The following FBXO34 variants were observed in gnomAD, a reference collection of about 807,000 sequenced individuals.
FBXO34 encodes F-box protein 34, also known as F-box only protein 34.
FBXO34 carries 12 observed loss-of-function variants against 24.5 expected under a neutral mutation model. That is an observed-to-expected ratio of 0.49 (90% confidence interval 0.31 to 0.79). FBXO34 has a LOEUF of 0.79. Among genes scored for constraint, FBXO34 ranks in the 30% least tolerant of loss-of-function variants. FBXO34 has a pLI of 0.04. For missense variants in FBXO34, 823 were observed against 857.7 expected, an observed-to-expected ratio of 0.96 and a Z score of 0.51; for synonymous variants, 320 against 311.9, an observed-to-expected ratio of 1.03 and a Z score of -0.27.
chr14:55,311,425 A>T (rs1026913454), intron 1 of FBXO34, among the ~76,000 whole-genome samples: 6 of 152,146 alleles, frequency 3.9e-5, no homozygotes, highest in African/African-American at 1.2e-4. Context: ...TCCTAATCTC[A>T]TGTCCCTTTT....
chr14:55,369,957 T>TAACA (rs1352469220), downstream of FBXO34: 1 of 1,545,112 alleles, frequency 6.5e-7, no homozygotes, highest in Non-Finnish European at 8.7e-7. Flanking sequence ...CTCTTTAGGA[T>TAACA]AACAACCATT....
At chr14:55,408,353 A>G in the FBXO34 span, among the ~76,000 whole-genome samples, 44,257 of 151,998 alleles carry the variant, frequency 0.29, 6,570 homozygotes, top group East Asian at 0.47. Context: ...TACCAGGGAG[A>G]CTGAGACAGG....
At chr14:55,300,654 A>G (rs1882320547) in intron 1 of FBXO34, among the ~76,000 whole-genome samples, 1 of 152,140 alleles carries the variant, frequency 6.6e-6, no homozygotes, top group Admixed American at 6.5e-5. Context: ...TTTAATGATT[A>G]CATCTGTGGT....
chr14:55,362,793 T>A (rs560012687), downstream of FBXO34, among the ~76,000 whole-genome samples: 117 of 151,954 alleles, frequency 7.7e-4, no homozygotes, highest in African/African-American at 2.7e-3. Context: ...CATTCCCAAA[T>A]TGAGAGCAAC....
chr14:55,345,523 T>C (rs1373986246), intron 1 of FBXO34, among the ~76,000 whole-genome samples: 1 of 152,138 alleles, frequency 6.6e-6, no homozygotes, highest in Non-Finnish European at 1.5e-5. Context: ...CCCTTCTCCC[T>C]CTTCATCCAT....
At chr14:55,305,466 G>T (rs914118195) in intron 1 of FBXO34, among the ~76,000 whole-genome samples, 2 of 151,406 alleles carry the variant, frequency 1.3e-5, no homozygotes, top group Non-Finnish European at 2.9e-5. Context: ...TGGCTGAGGC[G>T]AGTGGATCAC....
At chr14:55,429,060 A>C in the FBXO34 span, 1 of 1,499,134 alleles carries the variant, frequency 6.7e-7, no homozygotes, top group Non-Finnish European at 9.1e-7. Flanking sequence ...TACCATTTGT[A>C]CCACGTTTAT....
chr14:55,319,362 A>G (rs553023347), intron 1 of FBXO34, among the ~76,000 whole-genome samples: 15 of 152,346 alleles, frequency 9.8e-5, no homozygotes, highest in Non-Finnish European at 1.6e-4. Flanking sequence ...TTAAAAATCC[A>G]GTATACAGAA....
downstream of FBXO34, among the ~76,000 whole-genome samples, chr14:55,371,753 G>A (rs888599285): frequency 6.6e-6 from 1 of 152,028 alleles, no homozygotes; most frequent in Non-Finnish European, 1.5e-5. Flanking sequence ...GCAGTGAGCC[G>A]AGATGGCGCC....
At chr14:55,393,426 A>C in the FBXO34 span, among the ~76,000 whole-genome samples, 3 of 152,274 alleles carry the variant, frequency 2.0e-5, no homozygotes, top group African/African-American at 4.8e-5. Flanking sequence ...AATAATGTTT[A>C]CTGTTGTGAA....
In FBXO34 at chr14:55,331,755, ATATATG is replaced by A. The variant is rs1397595294; in HGVS notation, c.-10-18620_-10-18615del. 9.6e-4 allele frequency among the ~76,000 whole-genome samples: 58 copies of A among 60,308 alleles called. 19 individuals are homozygous for A. The African/African-American group carries it at 9.6e-3, about 10-fold the overall frequency. 39.6% of individuals were successfully genotyped at this position (60,308 alleles called of 152,430 possible). ...TATATATATATGTGTGTATATATAT[ATATATG>A]TATATATATATATATATACCACCAT... On this transcript the variant is annotated intron_variant, in intron 1 of 1. Transcript: ENST00000313833.
chr14:55,273,114 C>T (rs1881213232), intron 1 of FBXO34, among the ~76,000 whole-genome samples: 1 of 151,654 alleles, frequency 6.6e-6, no homozygotes, highest in African/African-American at 2.4e-5. Flanking sequence ...TAGTCTTTAG[C>T]AGGAAGCTTG....
intron 1 of FBXO34, among the ~76,000 whole-genome samples, chr14:55,300,800 A>G (rs1882327365): frequency 6.6e-6 from 1 of 152,026 alleles, no homozygotes; most frequent in African/African-American, 2.4e-5. Flanking sequence ...AATGTCGGTC[A>G]TTTTCCCACA....
chr14:55,359,413 G>A (rs982869224), intron 3 of FBXO34, among the ~76,000 whole-genome samples: 6 of 152,154 alleles, frequency 3.9e-5, no homozygotes, highest in Non-Finnish European at 8.8e-5. Context: ...TGAATTTTCT[G>A]GTGCATATAC....
intron 1 of FBXO34, among the ~76,000 whole-genome samples, chr14:55,279,524 G>T (rs77721860): frequency 0.058 from 8,832 of 152,244 alleles, 325 homozygotes; most frequent in South Asian, 0.09. Context: ...TTAAAGTAAA[G>T]ATGTAATTTG....
chr14:55,378,994 G>A, the FBXO34 span, among the ~76,000 whole-genome samples: 1 of 152,122 alleles, frequency 6.6e-6, no homozygotes, highest in Non-Finnish European at 1.5e-5. Flanking sequence ...AGGCAGGCAT[G>A]AGCCACCATA....
chr14:55,404,775 G>A, the FBXO34 span, among the ~76,000 whole-genome samples: 6 of 152,000 alleles, frequency 3.9e-5, no homozygotes, highest in African/African-American at 7.3e-5. Context: ...TTTCTTTTCC[G>A]ATACTGTTAT....
At chr14:55,318,421 A>T (rs1883013120) in intron 1 of FBXO34, among the ~76,000 whole-genome samples, 2 of 38,032 alleles carry the variant, frequency 5.3e-5, no homozygotes, top group South Asian at 1.1e-3. Context: ...TGCAGTCAGT[A>T]ACTTTTTTTT....
At chr14:55,321,312 C>A (rs186639492) in intron 1 of FBXO34, among the ~76,000 whole-genome samples, 1 of 152,294 alleles carries the variant, frequency 6.6e-6, no homozygotes, top group Non-Finnish European at 1.5e-5. Flanking sequence ...CCACACCCCC[C>A]ACCTGCAAAG....
Sources: allele counts gnomAD v4.1 joint callset (sites outside exome capture counted in the v4.1 genomes callset), GRCh38; gene constraint gnomAD v4.1.1; transcripts MANE v1.5; gene names NCBI Gene and HGNC (gene_info 2026-07-23, HGNC 2026-07-21).